The following SLC4A4 variants were observed in gnomAD, a reference collection of about 807,000 sequenced individuals.
SLC4A4 encodes the protein electrogenic sodium bicarbonate cotransporter 1.
In SLC4A4, 27 loss-of-function variants were observed where a neutral mutation model predicts 111.5. That is an observed-to-expected ratio of 0.24 (90% CI 0.18 to 0.33). SLC4A4 has a LOEUF of 0.33. Ranked by LOEUF, SLC4A4 falls within the 10% of genes least tolerant of loss-of-function variation. SLC4A4 has a pLI of 1.00. For missense variants in SLC4A4, 909 were observed against 1,315.5 expected, an observed-to-expected ratio of 0.69 and a Z score of 4.78; for synonymous variants, 443 against 463.4, an observed-to-expected ratio of 0.96 and a Z score of 0.57.
intron 1 of SLC4A4, among the ~76,000 whole-genome samples, chr4:71,062,879 G>A (rs1336202986): frequency 2.0e-5 from 3 of 152,122 alleles, no homozygotes; most frequent in Non-Finnish European, 4.4e-5. Context: ...CCTTAATTAG[G>A]GGTGAGGAAG....
At chr4:71,236,486 G>T in intron 1 of SLC4A4, 90 bp from the exon 2 acceptor site, 2 of 1,165,220 alleles carry the variant, frequency 1.7e-6, no homozygotes, top group South Asian at 1.3e-5. Flanking sequence ...ACAACAGCTT[G>T]CAGGTTAACC....
chr4:71,526,096 A>G (rs987885925), intron 16 of SLC4A4, among the ~76,000 whole-genome samples: 4 of 151,984 alleles, frequency 2.6e-5, no homozygotes, highest in African/African-American at 9.7e-5. Context: ...GCTCAAATTA[A>G]AGTTTCATTT....
chr4:71,354,619 T>C (rs1347919274), intron 5 of SLC4A4, among the ~76,000 whole-genome samples: 1 of 152,228 alleles, frequency 6.6e-6, no homozygotes, highest in Non-Finnish European at 1.5e-5. Context: ...TTGTGATCTT[T>C]GTCCATTCTT....
intron 14 of SLC4A4, among the ~76,000 whole-genome samples, chr4:71,482,836 G>A (rs1008828141): frequency 5.9e-5 from 9 of 151,498 alleles, no homozygotes; most frequent in African/African-American, 1.5e-4. Flanking sequence ...TGATTTTGAT[G>A]GTTAGAAATG....
chr4:71,189,524 A>G (rs1213723367), intron 1 of SLC4A4, among the ~76,000 whole-genome samples: 1 of 152,116 alleles, frequency 6.6e-6, no homozygotes, highest in Non-Finnish European at 1.5e-5. Flanking sequence ...TGGTAATCTC[A>G]TTTTTCGCTG....
rs747164499 is a variant in SLC4A4, at chr4:71,568,712, A to G, written c.*961A>G. On this transcript the variant is annotated 3_prime_UTR_variant, in exon 26 of 26. Transcript: ENST00000264485. The stretch of plus-strand genomic sequence containing the variant: ...TTGAGTAGTTCTACCTCTTATTTGT[A>G]GCTGCCAGGCTTTCTGTAAAAATTG... The G allele has an allele frequency of 6.6e-6, 1 of 152,124 alleles. No homozygotes were observed. Among genetic ancestry groups the G allele is most frequent in the Non-Finnish European group, 1.5e-5 (1 of 67,814 alleles). The allele number at this position is 152,124 out of a possible 1,614,324, so 9.4% of individuals were successfully genotyped here.
At chr4:71,252,341 C>T (rs1310204100) in intron 2 of SLC4A4, among the ~76,000 whole-genome samples, 1 of 152,192 alleles carries the variant, frequency 6.6e-6, no homozygotes, top group African/African-American at 2.4e-5. Flanking sequence ...GCAAGGCTAT[C>T]TTGCTCTCTT....
At chr4:71,350,579 C>G (rs1729736755) in intron 5 of SLC4A4, among the ~76,000 whole-genome samples, 1 of 152,062 alleles carries the variant, frequency 6.6e-6, no homozygotes, top group African/African-American at 2.4e-5. Flanking sequence ...GGCTTCTTTG[C>G]AAATCTAACT....
At chr4:71,543,717 A>G (rs1735269606) in intron 18 of SLC4A4, among the ~76,000 whole-genome samples, 1 of 152,004 alleles carries the variant, frequency 6.6e-6, no homozygotes, top group Admixed American at 6.6e-5. Context: ...AGATTACTAC[A>G]GGTTTTTTGG....
intron 6 of SLC4A4, among the ~76,000 whole-genome samples, chr4:71,383,293 T>G (rs1451230123): frequency 6.6e-6 from 1 of 152,216 alleles, no homozygotes; most frequent in Non-Finnish European, 1.5e-5. Flanking sequence ...AGGTACTTAC[T>G]GCATTGATTT....
chr4:71,383,566 C>G (rs1027197606), intron 6 of SLC4A4, among the ~76,000 whole-genome samples: 1 of 152,118 alleles, frequency 6.6e-6, no homozygotes, highest in Non-Finnish European at 1.5e-5. Flanking sequence ...TATATGGGAT[C>G]GCACCATGGC....
chr4:71,081,850 A>G (rs1044745548), intron 1 of SLC4A4, among the ~76,000 whole-genome samples: 2 of 152,014 alleles, frequency 1.3e-5, no homozygotes, highest in Non-Finnish European at 2.9e-5. Flanking sequence ...TGCTTTTGGG[A>G]GTGGTGGGAA....
At position 71,555,148 on chromosome 4, in the gene SLC4A4, C is replaced by T; in HGVS notation, c.2703C>T (p.Pro901=). The T allele has an allele frequency of 6.2e-7, 1 of 1,607,816 alleles. No individual in the cohort carries two copies. Among genetic ancestry groups the T allele is most frequent in the Non-Finnish European group, 8.5e-7 (1 of 1,175,080 alleles). Residue 901 remains proline, a synonymous_variant, in exon 21 of 26, where the codon CCC becomes CCT. Transcript: ENST00000264485. The part of the protein sequence containing the change: ...VFMAPILKFI[P]MPVLYGVFLY... ...CATTTTTTTCCTTCTAGTTTATACCCATGCCTGTACTCTATGGTGTGTTCC... is the reference window on the plus strand; with the variant it reads ...CATTTTTTTCCTTCTAGTTTATACCTATGCCTGTACTCTATGGTGTGTTCC...
At chr4:71,473,309 T>C in intron 14 of SLC4A4, 2 of 580,114 alleles carry the variant, frequency 3.4e-6, no homozygotes, top group Non-Finnish European at 6.1e-6. Flanking sequence ...GATATAAATA[T>C]GTGACAAACC....
intron 1 of SLC4A4, among the ~76,000 whole-genome samples, chr4:71,202,379 A>G (rs1297922866): frequency 1.3e-5 from 2 of 152,172 alleles, no homozygotes; most frequent in African/African-American, 2.4e-5. Context: ...GGTGGAAAAC[A>G]TTTTATCTGA....
intron 2 of SLC4A4, among the ~76,000 whole-genome samples, chr4:71,123,084 A>G (rs1743477896): frequency 6.6e-6 from 1 of 152,240 alleles, no homozygotes; most frequent in Non-Finnish European, 1.5e-5. Flanking sequence ...GAAAAGCAAC[A>G]GAAGATCTTT....
chr4:71,158,629 G>C (rs1235090134), intron 2 of SLC4A4, among the ~76,000 whole-genome samples: 2 of 152,158 alleles, frequency 1.3e-5, no homozygotes, highest in Non-Finnish European at 2.9e-5. Context: ...AGCCGAAAAA[G>C]GAATGACTGA....
At chr4:71,341,185 C>T (rs1728875653) in intron 4 of SLC4A4, among the ~76,000 whole-genome samples, 1 of 152,084 alleles carries the variant, frequency 6.6e-6, no homozygotes, top group African/African-American at 2.4e-5. Context: ...TTATGTCAGG[C>T]ACTGTTTTAG....
At chr4:71,303,248 T>G (rs1340530705) in intron 3 of SLC4A4, among the ~76,000 whole-genome samples, 1 of 152,230 alleles carries the variant, frequency 6.6e-6, no homozygotes, top group Non-Finnish European at 1.5e-5. Flanking sequence ...GTTTATTGAT[T>G]ACTCATGTAA....
Sources: allele counts gnomAD v4.1 joint callset (sites outside exome capture counted in the v4.1 genomes callset), GRCh38; gene constraint gnomAD v4.1.1; transcripts MANE v1.5; gene names NCBI Gene and HGNC (gene_info 2026-07-23, HGNC 2026-07-21).